DTNA: variants seen among roughly 807,000 people sequenced by gnomAD.
The protein encoded by DTNA is dystrophin-related protein 3.
DTNA carries 43 observed loss-of-function variants against 100.7 expected under a neutral mutation model. The ratio of observed to expected loss-of-function variants is 0.43; its 90% CI spans 0.33 to 0.55. DTNA has a LOEUF of 0.55. Among genes scored for constraint, DTNA ranks in the 20% least tolerant of loss-of-function variants. The pLI is 0.04. For synonymous variants in DTNA, 349 were observed against 347.9 expected (o/e 1.00, Z -0.04); for missense variants, 798 against 953.9 (o/e 0.84, Z 2.15).
At chr18:34,863,855 A>C (rs1041390664) in intron 16 of DTNA, 111 bp from the exon 17 acceptor site, 15 of 1,015,590 alleles carry the variant, frequency 1.5e-5, no homozygotes, top group Non-Finnish European at 2.1e-5. Flanking sequence ...TAACCTTGTC[A>C]GAGACCCAGA....
intron 1 of DTNA, among the ~76,000 whole-genome samples, chr18:34,566,177 A>G (rs558283164): frequency 6.6e-6 from 1 of 152,310 alleles, no homozygotes; most frequent in African/African-American, 2.4e-5. Context: ...AGTAATGTCC[A>G]TCCTTGAGAA....
At chr18:34,881,594 T>C (rs1043413146) in intron 20 of DTNA, among the ~76,000 whole-genome samples, 1 of 152,150 alleles carries the variant, frequency 6.6e-6, no homozygotes, top group African/African-American at 2.4e-5. Context: ...TGTGCATGTA[T>C]GTGCGTATGT....
At chr18:34,803,330 C>T (rs568266495) in intron 4 of DTNA, among the ~76,000 whole-genome samples, 1 of 151,748 alleles carries the variant, frequency 6.6e-6, no homozygotes, top group East Asian at 1.9e-4. Context: ...CTGATATAAC[C>T]ACTGTTGGAT....
At chr18:34,821,998 G>C (rs1476053865) in intron 9 of DTNA, among the ~76,000 whole-genome samples, 1 of 152,110 alleles carries the variant, frequency 6.6e-6, no homozygotes, top group Non-Finnish European at 1.5e-5. Flanking sequence ...ATACTTTGGG[G>C]CTTTGTTTTG....
chr18:34,890,360 C>T lies in DTNA; in HGVS notation c.*2626C>T, dbSNP rs1375004051. On this transcript the variant is annotated 3_prime_UTR_variant, in exon 23 of 23. Coordinates refer to ENST00000444659, the MANE Select transcript of DTNA (RefSeq NM_001386795.1). ...CTGTCCTGTAAGCGAGACAAAATGG[C>T]GTGTGTTATTTTGGGGTTTTGTGTT... The T allele has an allele frequency of 3.6e-5, 56 of 1,535,954 alleles. No individual in the cohort carries two copies. Among genetic ancestry groups the T allele is most frequent in the East Asian group, 1.2e-4 (5 of 40,926 alleles).
intron 1 of DTNA, among the ~76,000 whole-genome samples, chr18:34,712,707 T>A (rs2083147419): frequency 6.6e-6 from 1 of 152,200 alleles, no homozygotes; most frequent in African/African-American, 2.4e-5. Context: ...GTTTCAACTC[T>A]TGTTTAAATT....
intron 1 of DTNA, among the ~76,000 whole-genome samples, chr18:34,616,851 A>G (rs1161186828): frequency 1.3e-5 from 2 of 152,042 alleles, no homozygotes. Flanking sequence ...CTCCCTGGCT[A>G]GCTGTATTCT....
intron 1 of DTNA, among the ~76,000 whole-genome samples, chr18:34,717,792 G>A (rs2084354730): frequency 6.6e-6 from 1 of 152,174 alleles, no homozygotes; most frequent in South Asian, 2.1e-4. Context: ...TAGGAAGCTG[G>A]GGAAAGGAGG....
Position 34,794,147 on chromosome 18 carries a change from A to G in DTNA, c.259A>G (p.Thr87Ala), listed in dbSNP as rs766398695. The G allele has an allele frequency of 1.9e-6, 3 of 1,614,142 alleles. No individual in the cohort carries two copies. The highest frequency in any genetic ancestry group is 4.5e-5 in the East Asian group (2 of 44,864). The change falls in exon 4 of 23, where the codon ACT (threonine) becomes GCT (alanine). Residue 87 changes from threonine (T) to alanine (A), a missense_variant. By Grantham distance (58) the Thr-to-Ala change is moderately conservative. Around this residue, in one of 6 missense-constraint regions of DTNA, gnomAD observed 197 missense variants for 215.4 expected, o/e 0.91. Coordinates refer to ENST00000444659, the MANE Select transcript of DTNA (RefSeq NM_001386795.1). ...NVSRLEAVLS[T>A]IFYQLNKRMP... ...GTCCCGCTTAGAGGCTGTGCTCTCCACTATTTTTTACCAGCTCAACAAACG... is the reference window on the plus strand; with the variant it reads ...GTCCCGCTTAGAGGCTGTGCTCTCCGCTATTTTTTACCAGCTCAACAAACG...
chr18:34,494,058 C>G (rs1364831267), intron 1 of DTNA: 2 of 151,546 alleles, frequency 1.3e-5, no homozygotes, highest in East Asian at 2.0e-4. Flanking sequence ...TTCGCAGCGC[C>G]GCAGCCCCTG....
At chr18:34,752,772 A>C (rs1568410405) in intron 1 of DTNA, among the ~76,000 whole-genome samples, 2 of 152,234 alleles carry the variant, frequency 1.3e-5, no homozygotes, top group Non-Finnish European at 2.9e-5. Flanking sequence ...TTGTGTAACT[A>C]ATGATGGTTC....
At chr18:34,789,557 C>T (rs936219228) in intron 3 of DTNA, among the ~76,000 whole-genome samples, 5 of 152,190 alleles carry the variant, frequency 3.3e-5, no homozygotes, top group Non-Finnish European at 5.9e-5. Context: ...TTGTGTGAGT[C>T]ATGTCTGTAT....
chr18:34,595,200 C>T lies in DTNA; in HGVS notation c.-2+101686C>T, dbSNP rs375224980. On this transcript the variant is annotated intron_variant, in intron 1 of 19. Transcript: ENST00000283365. The stretch of plus-strand genomic sequence containing the variant: ...CAATAAGAATGAACCTGGCAGAAAT[C>T]ACAGGTGCTTCCAAGAAGTTTGTGA... Among the ~76,000 whole-genome samples the T allele has an allele frequency of 1.1e-4, 17 of 152,352 alleles. No individual in the cohort carries two copies. In the East Asian group the frequency reaches 2.5e-3, roughly 22 times the overall value.
chr18:34,595,345 C>T (rs2050375883), intron 1 of DTNA, among the ~76,000 whole-genome samples: 1 of 151,710 alleles, frequency 6.6e-6, no homozygotes, highest in African/African-American at 2.4e-5. Flanking sequence ...ATATGTTAGG[C>T]TTACCAGTGT....
intron 1 of DTNA, among the ~76,000 whole-genome samples, chr18:34,692,122 G>C (rs2079859528): frequency 6.6e-6 from 1 of 152,182 alleles, no homozygotes; most frequent in South Asian, 2.1e-4. Context: ...CCTATACCAA[G>C]TTCAGAAGTA....
intron 1 of DTNA, among the ~76,000 whole-genome samples, chr18:34,561,425 G>A (rs949646178): frequency 1.3e-5 from 2 of 152,004 alleles, no homozygotes; most frequent in African/African-American, 2.4e-5. Context: ...TATACTGTTA[G>A]ACTTTTGAAG....
chr18:34,881,968 G>A, intron 20 of DTNA, 101 bp from the exon 21 acceptor site: 1 of 1,514,278 alleles, frequency 6.6e-7, no homozygotes, highest in Non-Finnish European at 9.2e-7. Flanking sequence ...GAGAACTAAG[G>A]GGAAATAAAG....
At chr18:34,532,463 T>C (rs1568601923) in intron 1 of DTNA, among the ~76,000 whole-genome samples, 1 of 152,028 alleles carries the variant, frequency 6.6e-6, no homozygotes, top group Non-Finnish European at 1.5e-5. Context: ...CTATGGAGGG[T>C]TGGAATGCCA....
intron 1 of DTNA, among the ~76,000 whole-genome samples, chr18:34,620,626 A>G (rs933186430): frequency 6.6e-6 from 1 of 152,152 alleles, no homozygotes. Context: ...ACTTACTATT[A>G]TGTTAGAAGG....
Sources: gnomAD v4.1 joint callset for allele counts (sites outside exome capture counted in the v4.1 genomes callset) on GRCh38, gnomAD v4.1.1 for gene constraint, gnomAD v4.1.1 regional missense constraint, MANE v1.5 for transcripts, NCBI Gene and HGNC (gene_info 2026-07-23, HGNC 2026-07-21) for gene names.